VPS13B: variants seen among roughly 807,000 people sequenced by gnomAD.
VPS13B encodes vacuolar protein sorting 13 homolog B.
VPS13B carries 285 observed loss-of-function variants against 426.4 expected under a neutral mutation model. The observed-to-expected ratio is 0.67, with a 90% CI of 0.61 to 0.74. VPS13B has a LOEUF of 0.74. VPS13B is among the 30% of genes least tolerant of loss of function. VPS13B has a pLI of 0.00. For missense variants in VPS13B, 4,537 were observed against 4,782.6 expected (o/e 0.95, Z 1.51); for synonymous variants, 1,676 against 1,676.4 (o/e 1.00, Z 0.01).
chr8:99,295,044 C>T (rs1480992530), intron 19 of VPS13B, among the ~76,000 whole-genome samples: 1 of 152,066 alleles, frequency 6.6e-6, no homozygotes, highest in Non-Finnish European at 1.5e-5. Context: ...CATTGACAAA[C>T]ATTTGATCAT....
intron 29 of VPS13B, among the ~76,000 whole-genome samples, chr8:99,517,379 G>A (rs1822140049): frequency 6.6e-6 from 1 of 152,006 alleles, no homozygotes; most frequent in Non-Finnish European, 1.5e-5. Context: ...ATACACAAAT[G>A]TACATTCATG....
In VPS13B at chr8:99,135,696, C is replaced by G. The variant is rs1445396058; in HGVS notation, c.1526C>G (p.Thr509Ser). ...FDYRSPENNG[T>S]RAEFILDSTH... Reference sequence around the variant, plus strand: ...TACCGAAGCCCAGAAAATAATGGTACTCGCGCAGAATTTATCTTGGATTCA... The same window carrying G: ...TACCGAAGCCCAGAAAATAATGGTAGTCGCGCAGAATTTATCTTGGATTCA... The change falls in exon 11 of 62, where the codon ACT becomes AGT. Residue 509 changes from threonine to serine, a missense_variant. Physicochemically the swap from Thr to Ser is moderately conservative, Grantham distance 58. Around this residue, in one of 2 missense-constraint regions of VPS13B, gnomAD observed 4,311 missense variants for 4,474.3 expected, o/e 0.96. Transcript: ENST00000357162. 7 of 1,613,216 alleles carry G rather than the reference C, an allele frequency of 4.3e-6. No individual in the cohort carries two copies. Among genetic ancestry groups the G allele is most frequent in the Non-Finnish European group, 5.9e-6 (7 of 1,179,472 alleles).
At chr8:99,577,923 T>C in intron 33 of VPS13B, 1 of 405,006 alleles carries the variant, frequency 2.5e-6, no homozygotes, top group East Asian at 5.4e-5. Flanking sequence ...TAAAGTATGA[T>C]GCGAGAATCC....
chr8:99,796,870 C>T (rs1812855871), intron 43 of VPS13B: 1 of 152,144 alleles, frequency 6.6e-6, no homozygotes, highest in Admixed American at 6.6e-5. Flanking sequence ...TAACACTGTC[C>T]CAGGAGAATG....
At chr8:99,321,113 A>G (rs1809955692) in intron 19 of VPS13B, among the ~76,000 whole-genome samples, 1 of 152,194 alleles carries the variant, frequency 6.6e-6, no homozygotes. Context: ...ATTACTAAAA[A>G]ACTATCAGGT....
chr8:99,136,755 AT>A lies in VPS13B; in HGVS notation c.1651+5del, dbSNP rs779435450. ...AATGGAGAACACTAGTGGCAAAGGTATTGGCTTCTTTCCTTTATGTGTGCCA... is the reference window on the plus strand; with the variant it reads ...AATGGAGAACACTAGTGGCAAAGGTATGGCTTCTTTCCTTTATGTGTGCCA... On this transcript the variant is annotated splice_donor_region_variant and intron_variant, in intron 12 of 61. Transcript: ENST00000357162. 5 of 1,613,338 alleles carry A rather than the reference AT, an allele frequency of 3.1e-6. No individual in the cohort carries two copies. The Admixed American group carries it at 8.3e-5, about 27-fold the overall frequency.
intron 2 of VPS13B, among the ~76,000 whole-genome samples, chr8:99,029,326 C>T (rs964235830): frequency 7.9e-5 from 12 of 151,312 alleles, no homozygotes; most frequent in Non-Finnish European, 1.8e-4. Flanking sequence ...CCTCACATCC[C>T]AGACGATGGG....
At chr8:99,841,537 A>T (rs76606270) in intron 54 of VPS13B, among the ~76,000 whole-genome samples, 2 of 152,208 alleles carry the variant, frequency 1.3e-5, no homozygotes, top group Non-Finnish European at 2.9e-5. Context: ...CTAAAGGTAT[A>T]GTCATTAGTC....
intron 39 of VPS13B, among the ~76,000 whole-genome samples, chr8:99,763,332 A>T (rs1811045975): frequency 6.6e-6 from 1 of 152,034 alleles, no homozygotes; most frequent in African/African-American, 2.4e-5. Context: ...TCATTCATTG[A>T]TTCATGAATT....
chr8:99,468,758 T>A (rs1819244464), intron 24 of VPS13B, among the ~76,000 whole-genome samples: 1 of 152,150 alleles, frequency 6.6e-6, no homozygotes, highest in South Asian at 2.1e-4. Context: ...ATTCACTTTT[T>A]ATGAAGCAGT....
In VPS13B at chr8:99,395,795, G is replaced by A. The variant is rs187145375; in HGVS notation, c.3082+4091G>A. 3.6e-3 allele frequency among the ~76,000 whole-genome samples: 550 copies of A among 152,218 alleles called. 1 individual carries two copies. Among genetic ancestry groups the A allele is most frequent in the Non-Finnish European group, 6.0e-3 (405 of 68,004 alleles). ...AAATAGGCTGAGAAATGACACCAAT[G>A]ATAGAATTAGCAGGTATATTAAATA... On this transcript the variant is annotated intron_variant, in intron 21 of 61. Transcript: ENST00000357162.
At chr8:99,501,909 TCCCTC>T (rs766008791) in intron 26 of VPS13B, 51 bp downstream of exon 26, 2 of 1,257,110 alleles carry the variant, frequency 1.6e-6, no homozygotes, top group East Asian at 5.8e-5. Flanking sequence ...CCTCCCTCCC[TCCCTC>T]CCTCCCTCCC....
intron 19 of VPS13B, among the ~76,000 whole-genome samples, chr8:99,362,578 G>T (rs1349375072): frequency 1.3e-5 from 2 of 152,122 alleles, no homozygotes; most frequent in Non-Finnish European, 2.9e-5. Context: ...GAATTAGAAG[G>T]TCTCCATTGG....
chr8:99,649,737 T>A (rs144339905), intron 34 of VPS13B, among the ~76,000 whole-genome samples: 186 of 152,034 alleles, frequency 1.2e-3, no homozygotes, highest in African/African-American at 4.2e-3. Flanking sequence ...AGCAACAAGA[T>A]TTCCCCTACA....
chr8:99,740,502 A>G (rs1809652182), intron 39 of VPS13B, among the ~76,000 whole-genome samples: 2 of 152,138 alleles, frequency 1.3e-5, no homozygotes, highest in Admixed American at 6.5e-5. Flanking sequence ...GAGAAGAGCA[A>G]CTCCAAGACA....
chr8:99,852,579 C>T (rs1354941990), intron 55 of VPS13B, among the ~76,000 whole-genome samples: 1 of 152,004 alleles, frequency 6.6e-6, no homozygotes, highest in Non-Finnish European at 1.5e-5. Flanking sequence ...GTTAGTATGT[C>T]GAATAAGCAA....
In VPS13B at chr8:99,661,454, T is replaced by C. The variant is rs1830220185; in HGVS notation, c.6009T>C (p.Phe2003=). Residue 2003 remains phenylalanine (F), a synonymous_variant, in exon 35 of 62, where the codon TTT becomes TTC. Transcript: ENST00000357162. ...GCAAAAGTGGTATTCCACCTTCCTTTATAACACTACAGATTAAAGACTTTC... is the reference window on the plus strand; with the variant it reads ...GCAAAAGTGGTATTCCACCTTCCTTCATAACACTACAGATTAAAGACTTTC... ...IDSKSGIPPS[F]ITLQIKDFLN... The C allele has an allele frequency of 6.2e-7, 1 of 1,613,576 alleles. No homozygotes were observed. Among genetic ancestry groups the C allele is most frequent in the East Asian group, 2.2e-5 (1 of 44,838 alleles).
At chr8:99,115,670 T>C (rs1182266421) in intron 6 of VPS13B, 30 bp from the exon 7 acceptor site, 1 of 1,606,982 alleles carries the variant, frequency 6.2e-7, no homozygotes, top group Non-Finnish European at 8.5e-7. Flanking sequence ...AACATGCGTT[T>C]GTTGGTGTTA....
chr8:99,214,486 A>G (rs1815280061), intron 17 of VPS13B, among the ~76,000 whole-genome samples: 1 of 152,190 alleles, frequency 6.6e-6, no homozygotes, highest in Non-Finnish European at 1.5e-5. Flanking sequence ...TTAGTCAAAT[A>G]TTGACAGAAG....
Sources: gnomAD v4.1 joint callset for allele counts (sites outside exome capture counted in the v4.1 genomes callset) on GRCh38, gnomAD v4.1.1 for gene constraint, gnomAD v4.1.1 regional missense constraint, MANE v1.5 for transcripts, NCBI Gene and HGNC (gene_info 2026-07-23, HGNC 2026-07-21) for gene names.